Variants in EWSR1 observed in about 807,000 individuals in gnomAD.
The protein encoded by EWSR1 is RNA-binding protein EWS.
A neutral mutation model predicts 92.1 loss-of-function variants in EWSR1; 14 were observed. The ratio of observed to expected loss-of-function variants is 0.15; its 90% CI spans 0.10 to 0.24. EWSR1 has a LOEUF of 0.24. Among genes scored for constraint, EWSR1 ranks in the 10% least tolerant of loss-of-function variants. The pLI is 1.00. For missense variants in EWSR1, 637 were observed against 870.9 expected (o/e 0.73, Z 3.38); for synonymous variants, 303 against 292.9 (o/e 1.03, Z -0.35).
At chr22:29,298,979 C>A in intron 14 of EWSR1, 84 bp downstream of exon 14, 2 of 1,432,154 alleles carry the variant, frequency 1.4e-6, no homozygotes, top group Admixed American at 2.3e-5. Flanking sequence ...GTGGATTGCT[C>A]TGTCTAGAGG....
At chr22:29,294,377 C>T (rs1299762371) in intron 11 of EWSR1, among the ~76,000 whole-genome samples, 25 of 149,344 alleles carry the variant, frequency 1.7e-4, no homozygotes, top group Middle Eastern at 7.8e-3. Flanking sequence ...GAGGCCGAGG[C>T]GGGTGGATCA....
chr22:29,274,524 T>C (rs1294621017), intron 4 of EWSR1: 1 of 487,682 alleles, frequency 2.1e-6, no homozygotes, highest in Non-Finnish European at 3.7e-6. Context: ...ATAATAGTTA[T>C]TTACCTTCCC....
At chr22:29,276,577 C>G in intron 4 of EWSR1, 1 of 226,470 alleles carries the variant, frequency 4.4e-6, no homozygotes, top group Non-Finnish European at 8.8e-6. Context: ...AATGGGCAGT[C>G]TTGATTCAGG....
chr22:29,294,730 G>A (rs551862903), intron 11 of EWSR1, among the ~76,000 whole-genome samples: 15 of 151,938 alleles, frequency 9.9e-5, no homozygotes, highest in Non-Finnish European at 1.8e-4. Flanking sequence ...CCTGGCCAAC[G>A]TGGTGAAACC....
chr22:29,279,135 G>A (rs1001113870), intron 5 of EWSR1, among the ~76,000 whole-genome samples: 4 of 151,936 alleles, frequency 2.6e-5, no homozygotes, highest in Non-Finnish European at 4.4e-5. Flanking sequence ...GAGAGAGAGT[G>A]TGTGTGTGTG....
rs1396731516 is a variant in EWSR1, at chr22:29,283,834, AGTTT to A, written c.581+1290_581+1293del. Among the ~76,000 whole-genome samples the A allele has an allele frequency of 5.7e-5, 7 of 121,992 alleles. 1 individual carries two copies. The highest frequency in any genetic ancestry group is 1.3e-4 in the African/African-American group (4 of 30,148). The allele number at this position is 121,992 out of a possible 152,430, so 80.0% of individuals were successfully genotyped here. On this transcript the variant is annotated intron_variant, in intron 6 of 16. Coordinates refer to ENST00000397938, the MANE Select transcript of EWSR1 (RefSeq NM_005243.4). ...CAGGCGCGAGCCCCTGCGCCCAGCCAGTTTGTTTGTTTGTTTTGAGATGGAGTTT... is the reference window on the plus strand; with the variant it reads ...CAGGCGCGAGCCCCTGCGCCCAGCCAGTTTGTTTGTTTTGAGATGGAGTTT...
At chr22:29,276,026 GTTAT>G (rs2059092219) in intron 4 of EWSR1, 1 of 230,278 alleles carries the variant, frequency 4.3e-6, no homozygotes, top group African/African-American at 2.2e-5. Context: ...TAATTAAAAG[GTTAT>G]TTATTAACCC....
chr22:29,299,109 G>A, intron 14 of EWSR1, 125 bp from the exon 15 acceptor site: 3 of 1,559,936 alleles, frequency 1.9e-6, no homozygotes, highest in Non-Finnish European at 2.6e-6. Flanking sequence ...CTGAGGCTGT[G>A]CCCTAAAGCA....
intron 11 of EWSR1, among the ~76,000 whole-genome samples, chr22:29,295,041 A>G (rs2060746384): frequency 6.6e-6 from 1 of 151,926 alleles, no homozygotes; most frequent in African/African-American, 2.4e-5. Context: ...GTCTACTGTC[A>G]CATTCTACCC....
chr22:29,274,314 A>G, intron 4 of EWSR1: 2 of 1,611,914 alleles, frequency 1.2e-6, no homozygotes, highest in Non-Finnish European at 1.7e-6. Context: ...TTGCATGGGA[A>G]ATGCTTTCCA....
Position 29,285,146 on chromosome 22 carries a change from T to C in EWSR1, c.582-1777T>C, listed in dbSNP as rs1232602617. Among the ~76,000 whole-genome samples the C allele has an allele frequency of 3.7e-5, 4 of 107,302 alleles. 1 individual carries two copies. Among genetic ancestry groups the C allele is most frequent in the African/African-American group, 1.6e-4 (4 of 25,442 alleles). The allele number at this position is 107,302 out of a possible 152,430, so 70.4% of individuals were successfully genotyped here. A position where few individuals can be genotyped will look rare whatever the true frequency, so the allele number is the denominator to read the frequency against. On this transcript the variant is annotated intron_variant, in intron 6 of 16. Transcript: ENST00000397938. The stretch of plus-strand genomic sequence containing the variant: ...TGTTTTTTTTTTTTTTTTTTTGAGA[T>C]GGAGTTTTGCTCTGTTGCCCAGGTT...
At chr22:29,293,048 G>T (rs181941266) in intron 11 of EWSR1, among the ~76,000 whole-genome samples, 9 of 152,006 alleles carry the variant, frequency 5.9e-5, no homozygotes, top group African/African-American at 2.2e-4. Context: ...CCCTACGCCC[G>T]GCCTTCCCTC....
intron 13 of EWSR1, 95 bp from the exon 14 acceptor site, chr22:29,298,638 T>C (rs2061074023): frequency 2.1e-6 from 3 of 1,437,400 alleles, no homozygotes; most frequent in Non-Finnish European, 2.9e-6. Context: ...ATGACAGCAG[T>C]AGTATCTGTG....
intron 14 of EWSR1, 63 bp downstream of exon 14, chr22:29,298,958 C>T: frequency 6.8e-7 from 1 of 1,480,756 alleles, no homozygotes; most frequent in Non-Finnish European, 9.0e-7. Flanking sequence ...TCACCCCATC[C>T]CCACTCTAGA....
intron 4 of EWSR1, among the ~76,000 whole-genome samples, chr22:29,275,437 G>A (rs1374776222): frequency 6.6e-6 from 1 of 152,158 alleles, no homozygotes; most frequent in Non-Finnish European, 1.5e-5. Context: ...TTAGAGACTA[G>A]TAGCTTTGAT....
In EWSR1 at chr22:29,278,203, A is replaced by G. The variant is rs750724221; in HGVS notation, c.400A>G (p.Thr134Ala). The change falls in exon 5 of 17, where the codon ACT becomes GCT. Residue 134 changes from threonine (T) to alanine (A), a missense_variant. By Grantham distance (58) the Thr-to-Ala change is moderately conservative. Around this residue, in one of 5 missense-constraint regions of EWSR1, gnomAD observed 144 missense variants for 189.0 expected, o/e 0.76. Transcript: ENST00000397938. Reference sequence around the variant, plus strand: ...AGCCTATGGGCAGCAGCCAGCAGCCACTGCACCTACAAGGTAAGGCCATGG... The same window carrying G: ...AGCCTATGGGCAGCAGCCAGCAGCCGCTGCACCTACAAGGTAAGGCCATGG... ...YPAYGQQPAA[T>A]APTRPQDGNK... 1.7e-5 allele frequency: 27 copies of G among 1,613,938 alleles called. No individual in the cohort carries two copies. The highest frequency in any genetic ancestry group is 1.3e-4 in the Admixed American group (8 of 59,988).
Position 29,299,633 on chromosome 22 carries a change from G to A in EWSR1, c.1713G>A (p.Met571Ile). Residue 571 changes from methionine to isoleucine, a missense_variant, in exon 16 of 17, where the codon ATG becomes ATA. This residue lies in a region of EWSR1 where 363 missense variants were observed against 447.8 expected (regional missense o/e 0.81). Coordinates refer to ENST00000397938, the MANE Select transcript of EWSR1 (RefSeq NM_005243.4). ...GDRGRGGPGG[M>I]RGGRGGLMDR... ...GTGGCAGAGGTGGCCCTGGTGGCAT[G>A]CGGGGAGGAAGAGGTGGCCTCATGG... The A allele has an allele frequency of 1.2e-6, 2 of 1,607,620 alleles. No individual in the cohort carries two copies. Among genetic ancestry groups the A allele is most frequent in the Non-Finnish European group, 1.7e-6 (2 of 1,176,596 alleles).
At chr22:29,297,443 C>T (rs551991200) in intron 12 of EWSR1, among the ~76,000 whole-genome samples, 1 of 152,238 alleles carries the variant, frequency 6.6e-6, no homozygotes, top group African/African-American at 2.4e-5. Flanking sequence ...TATAATCCTA[C>T]CACTTCAGGA....
intron 8 of EWSR1, chr22:29,290,883 C>T (rs1263414283): frequency 2.0e-5 from 5 of 252,828 alleles, no homozygotes; most frequent in Admixed American, 5.4e-5. Flanking sequence ...TCCCTCTCCC[C>T]TCTTTAAGTA....
Sources: allele counts gnomAD v4.1 joint callset (sites outside exome capture counted in the v4.1 genomes callset), GRCh38; gene constraint gnomAD v4.1.1; regional missense constraint gnomAD v4.1.1; transcripts MANE v1.5; gene names NCBI Gene and HGNC (gene_info 2026-07-23, HGNC 2026-07-21).